SLC27A2: variants seen among roughly 807,000 people sequenced by gnomAD.
The protein encoded by SLC27A2 is solute carrier family 27 member 2.
A neutral mutation model predicts 60.0 loss-of-function variants in SLC27A2; 54 were observed. The ratio of observed to expected loss-of-function variants is 0.90; its 90% CI spans 0.72 to 1.13. SLC27A2 has a LOEUF of 1.13. SLC27A2 is among the 50% of genes most tolerant of loss of function. SLC27A2 has a pLI of 0.00. For missense variants in SLC27A2, 739 were observed against 777.6 expected (o/e 0.95, Z 0.59); for synonymous variants, 297 against 297.6 (o/e 1.00, Z 0.02).
At chr15:50,224,981 T>C (rs1283362951) in intron 5 of SLC27A2, among the ~76,000 whole-genome samples, 1 of 151,476 alleles carries the variant, frequency 6.6e-6, no homozygotes, top group East Asian at 1.9e-4. Context: ...TGTCAGTTTT[T>C]CTACTTTAAG....
At chr15:50,204,553 G>A (rs2045093895) in intron 3 of SLC27A2, among the ~76,000 whole-genome samples, 1 of 151,762 alleles carries the variant, frequency 6.6e-6, no homozygotes, top group African/African-American at 2.4e-5. Flanking sequence ...CTAACACAGT[G>A]AAACCCCTTC....
intron 4 of SLC27A2, among the ~76,000 whole-genome samples, chr15:50,216,099 C>A (rs911691444): frequency 6.6e-6 from 1 of 152,118 alleles, no homozygotes; most frequent in Non-Finnish European, 1.5e-5. Context: ...CTACAACAAA[C>A]TCAAATCAGT....
Position 50,216,610 on chromosome 15 carries a change from G to GTGTGTGTGTGTGTGTA in SLC27A2, c.973-6354_973-6353insGTGTGTGTGTGTGTAT, listed in dbSNP as rs1323910367. On this transcript the variant is annotated intron_variant, in intron 4 of 9. Transcript: ENST00000267842. Reference sequence around the variant, plus strand: ...AAGAAACTGTGGTGTGTGTGTGTGTGTATATATATATATATATATATATAT... The same window carrying GTGTGTGTGTGTGTGTA: ...AAGAAACTGTGGTGTGTGTGTGTGTGTGTGTGTGTGTGTGTATATATATATATATATATATATATAT... 9.1e-3 allele frequency among the ~76,000 whole-genome samples: 600 copies of GTGTGTGTGTGTGTGTA among 66,230 alleles called. 6 individuals are homozygous for GTGTGTGTGTGTGTGTA. Among genetic ancestry groups the GTGTGTGTGTGTGTGTA allele is most frequent in the Non-Finnish European group, 0.014 (477 of 33,516 alleles). 43.4% of individuals were successfully genotyped at this position (66,230 alleles called of 152,430 possible).
In SLC27A2 at chr15:50,182,341, A is replaced by G. The variant is rs540808334; in HGVS notation, c.-87A>G. On this transcript the variant is annotated 5_prime_UTR_variant, in exon 1 of 10. Transcript: ENST00000267842. ...CGCGTGCGCCCCGGCGCAGCCCGCC[A>G]GTCCGCCCGGAGCCCGCCCAGTCGC... 4.9e-4 allele frequency: 670 copies of G among 1,364,610 alleles called. No homozygotes were observed. The African/African-American group carries it at 9.5e-3, about 19-fold the overall frequency. 84.5% of individuals were successfully genotyped at this position (1,364,610 alleles called of 1,614,324 possible). A position where few individuals can be genotyped will look rare whatever the true frequency, so the allele number is the denominator to read the frequency against.
chr15:50,220,023 A>T (rs2045231919), intron 4 of SLC27A2, among the ~76,000 whole-genome samples: 1 of 152,188 alleles, frequency 6.6e-6, no homozygotes, highest in Non-Finnish European at 1.5e-5. Flanking sequence ...GGTGAGCAAA[A>T]GCTTAGGTGA....
At chr15:50,196,077 A>AATATATAT (rs58819609) in intron 1 of SLC27A2, among the ~76,000 whole-genome samples, 2 of 15,436 alleles carry the variant, frequency 1.3e-4, no homozygotes, top group Non-Finnish European at 2.2e-4. Context: ...AAAAAAAAAA[A>AATATATAT]ATATATATAT....
At chr15:50,223,474 A>T (rs1217337702) in intron 5 of SLC27A2, among the ~76,000 whole-genome samples, 1 of 152,216 alleles carries the variant, frequency 6.6e-6, no homozygotes, top group Non-Finnish European at 1.5e-5. Context: ...TCCGTAAGCT[A>T]ATCGTACACT....
intron 2 of SLC27A2, among the ~76,000 whole-genome samples, chr15:50,199,439 C>T (rs1348084764): frequency 2.8e-5 from 4 of 145,116 alleles, no homozygotes; most frequent in African/African-American, 1.0e-4. Flanking sequence ...GATTGCGCCA[C>T]TGCACTCCAG....
rs537099249 is a variant in SLC27A2 at position 50,200,610 on chromosome 15, C to T, written c.689-1877C>T. ...CCAAGTATTGAAGAATCTGAGTCAA[C>T]AGAGATCTGTCTTCCTCTTCACGAA... On this transcript the variant is annotated intron_variant, in intron 2 of 9. Coordinates refer to ENST00000267842, the MANE Select transcript of SLC27A2 (RefSeq NM_003645.4). Among the ~76,000 whole-genome samples the T allele has an allele frequency of 4.6e-5, 7 of 152,280 alleles. No homozygotes were observed. The South Asian group carries it at 1.4e-3, about 32-fold the overall frequency.
chr15:50,235,385 T>G (rs1343421953), intron 9 of SLC27A2, among the ~76,000 whole-genome samples: 1 of 152,180 alleles, frequency 6.6e-6, no homozygotes, highest in Non-Finnish European at 1.5e-5. Context: ...AATCAGGATA[T>G]CCTAGCGGTA....
chr15:50,185,669 G>A (rs1010328723), intron 1 of SLC27A2, among the ~76,000 whole-genome samples: 12 of 118,990 alleles, frequency 1.0e-4, no homozygotes, highest in South Asian at 2.7e-4. Flanking sequence ...TCGCTCTTTC[G>A]CCCAGGCCAG....
intron 8 of SLC27A2, among the ~76,000 whole-genome samples, chr15:50,231,777 T>G (rs1379784669): frequency 1.3e-5 from 2 of 152,108 alleles, no homozygotes; most frequent in Non-Finnish European, 1.5e-5. Context: ...TCAGATAGGA[T>G]GAGGAGCAGG....
intron 6 of SLC27A2, among the ~76,000 whole-genome samples, chr15:50,226,699 T>G (rs1436824711): frequency 6.6e-6 from 1 of 152,094 alleles, no homozygotes; most frequent in Non-Finnish European, 1.5e-5. Flanking sequence ...ACCACTGTAC[T>G]CCAGCCTGGG....
Position 50,225,968 on chromosome 15 carries a change from A to C in SLC27A2, c.1168-20A>C. ...AAAATTATAAAAGATTTATACTCAA[A>C]ATTATTTTAATCTTGCTAGAAAATC... On this transcript the variant is annotated intron_variant, in intron 5 of 9. Coordinates refer to ENST00000267842, the MANE Select transcript of SLC27A2 (RefSeq NM_003645.4). 6.9e-7 allele frequency: 1 copy of C among 1,454,146 alleles called. No homozygotes were observed. Among genetic ancestry groups the C allele is most frequent in the Non-Finnish European group, 9.6e-7 (1 of 1,039,982 alleles). 90.1% of individuals were successfully genotyped at this position (1,454,146 alleles called of 1,614,324 possible).
Position 50,226,090 on chromosome 15 carries a change from T to C in SLC27A2, c.1258+12T>C. 6.5e-7 allele frequency: 1 copy of C among 1,537,026 alleles called. No homozygotes were observed. The highest frequency in any genetic ancestry group is 9.0e-7 in the Non-Finnish European group (1 of 1,110,218). On this transcript the variant is annotated intron_variant, in intron 6 of 9. Coordinates refer to ENST00000267842, the MANE Select transcript of SLC27A2 (RefSeq NM_003645.4). Reference sequence around the variant, plus strand: ...CAGAGTTCCCAAAGGTACAGTGGACTTTTGTTCAATCAACCTGTGCCCCTT... The same window carrying C: ...CAGAGTTCCCAAAGGTACAGTGGACCTTTGTTCAATCAACCTGTGCCCCTT...
rs150821659 is a variant in SLC27A2 at position 50,211,677 on chromosome 15, A to C, written c.972+6314A>C. Among the ~76,000 whole-genome samples, 1,517 of 152,300 alleles carry C rather than the reference A, an allele frequency of 1.0e-2. 33 individuals carry two copies. Among genetic ancestry groups the C allele is most frequent in the African/African-American group, 0.035 (1,452 of 41,556 alleles). On this transcript the variant is annotated intron_variant, in intron 4 of 9. Transcript: ENST00000267842. ...AATTCAGGAGGTTAGTTATTAAGCTAATCAGGGAGGAACCAGAGAAATATG... is the reference window on the plus strand; with the variant it reads ...AATTCAGGAGGTTAGTTATTAAGCTCATCAGGGAGGAACCAGAGAAATATG...
intron 1 of SLC27A2, among the ~76,000 whole-genome samples, chr15:50,195,671 T>G (rs1392558870): frequency 1.3e-5 from 2 of 152,002 alleles, no homozygotes; most frequent in Admixed American, 6.6e-5. Context: ...AAATTTTAAA[T>G]GCATCTATCC....
intron 4 of SLC27A2, among the ~76,000 whole-genome samples, chr15:50,220,877 C>T (rs763562121): frequency 1.3e-5 from 2 of 152,096 alleles, no homozygotes; most frequent in African/African-American, 4.8e-5. Context: ...AATTATAAAG[C>T]GGGGTAGAGT....
chr15:50,228,143 C>T (rs969340468), intron 7 of SLC27A2, among the ~76,000 whole-genome samples: 3 of 151,986 alleles, frequency 2.0e-5, no homozygotes, highest in East Asian at 1.9e-4. Flanking sequence ...TTTGGGAGGC[C>T]GAGGCGGGTG....
Sources: gnomAD v4.1 joint callset for allele counts (sites outside exome capture counted in the v4.1 genomes callset) on GRCh38, gnomAD v4.1.1 for gene constraint, MANE v1.5 for transcripts, NCBI Gene and HGNC (gene_info 2026-07-23, HGNC 2026-07-21) for gene names.